The following TTC3 variants were observed in gnomAD, a reference collection of about 807,000 sequenced individuals.
TTC3 encodes the protein tetratricopeptide repeat domain 3, also known as E3 ubiquitin-protein ligase TTC3.
Under a neutral mutation model 249.6 loss-of-function variants are expected in TTC3, and 180 were observed. That is an observed-to-expected ratio of 0.72 (90% CI 0.64 to 0.82). TTC3 has a LOEUF of 0.82. Among genes scored for constraint, TTC3 ranks in the 40% least tolerant of loss-of-function variants. The pLI is 0.00. For missense variants in TTC3, 2,061 were observed against 2,398.4 expected, an observed-to-expected ratio of 0.86 and a Z score of 2.94; for synonymous variants, 717 against 805.0, an observed-to-expected ratio of 0.89 and a Z score of 1.85.
intron 42 of TTC3, among the ~76,000 whole-genome samples, chr21:37,197,242 G>A (rs949725802): frequency 5.9e-5 from 9 of 152,058 alleles, no homozygotes; most frequent in African/African-American, 1.9e-4. Context: ...TCAGGAGTTC[G>A]GGACCAGCCT....
chr21:37,087,014 A>G (rs532184907), intron 1 of TTC3: 1 of 500,196 alleles, frequency 2.0e-6, no homozygotes, highest in South Asian at 2.7e-5. Flanking sequence ...TAGAGTAGAG[A>G]TGGTGAATAT....
intron 11 of TTC3, among the ~76,000 whole-genome samples, chr21:37,118,487 A>G (rs774121561): frequency 3.9e-5 from 6 of 152,188 alleles, no homozygotes; most frequent in Non-Finnish European, 7.4e-5. Flanking sequence ...TTTGATCTAT[A>G]TCATATAGGA....
In TTC3 at chr21:37,197,553, C is replaced by T. The variant is rs2085051199; in HGVS notation, c.5580-17C>T. ...GAGAACTTTCTGTTGTCATTCATCACTCACTCTCCCTTTCAGCACTGAGCT... is the reference window on the plus strand; with the variant it reads ...GAGAACTTTCTGTTGTCATTCATCATTCACTCTCCCTTTCAGCACTGAGCT... On this transcript the variant is annotated splice_polypyrimidine_tract_variant and intron_variant, in intron 42 of 45. Coordinates refer to ENST00000355666, the Ensembl canonical transcript of TTC3. 3 of 1,611,606 alleles carry T rather than the reference C, an allele frequency of 1.9e-6. No homozygotes were observed. Among genetic ancestry groups the T allele is most frequent in the African/African-American group, 2.7e-5 (2 of 74,794 alleles).
At chr21:37,129,546 T>G (rs927147164) in intron 16 of TTC3, among the ~76,000 whole-genome samples, 1 of 152,194 alleles carries the variant, frequency 6.6e-6, no homozygotes, top group Non-Finnish European at 1.5e-5. Context: ...TAGAGGAAAA[T>G]CTTTCCTAAT....
rs763813021 is a variant in TTC3 at position 37,087,397 on chromosome 21, G to A, written c.140G>A (p.Gly47Glu). 26 of 1,613,628 alleles carry A rather than the reference G, an allele frequency of 1.6e-5. No individual in the cohort carries two copies. In the South Asian group the frequency reaches 2.7e-4, roughly 17 times the overall value. The change falls in exon 2 of 46, where the codon GGG (glycine) becomes GAG (glutamate). Residue 47 changes from glycine to glutamate, a missense_variant. Gly to Glu is a moderately conservative substitution (Grantham distance 98). Around this residue, in one of 3 missense-constraint regions of TTC3, gnomAD observed 989 missense variants for 1,145.1 expected, o/e 0.86. Coordinates refer to ENST00000355666, the Ensembl canonical transcript of TTC3. The stretch of plus-strand genomic sequence containing the variant: ...CGTGTGACTCAGCTTTACTGTGATG[G>A]GGTGGTAAGTAGGTTTGCTAATTTT...
At chr21:37,158,953 A>AC (rs11418603) in intron 28 of TTC3, among the ~76,000 whole-genome samples, 152,310 of 152,310 alleles carry the variant, frequency 1, 76,155 homozygotes, top group Non-Finnish European at 1. Flanking sequence ...AGAATCTCCC[A>AC]TTTTCCGTCT....
intron 41 of TTC3, among the ~76,000 whole-genome samples, chr21:37,192,418 A>C (rs911895704): frequency 6.6e-6 from 1 of 151,640 alleles, no homozygotes; most frequent in African/African-American, 2.4e-5. Flanking sequence ...CATCTGTATG[A>C]GGGATGGACT....
At chr21:37,169,686 A>AC (rs1272419406) in intron 34 of TTC3, among the ~76,000 whole-genome samples, 36 of 144,156 alleles carry the variant, frequency 2.5e-4, no homozygotes, top group Non-Finnish European at 4.4e-4. Flanking sequence ...ATCTCTACTA[A>AC]AATTAAAAAA....
At chr21:37,088,423 T>C in intron 4 of TTC3, 77 bp downstream of exon 4, 1 of 1,515,464 alleles carries the variant, frequency 6.6e-7, no homozygotes, top group Non-Finnish European at 8.9e-7. Context: ...GCAAGTTCAA[T>C]GGAAGGCTTA....
intron 45 of TTC3, 56 bp downstream of exon 45, chr21:37,200,380 CA>C: frequency 6.5e-7 from 1 of 1,533,444 alleles, no homozygotes; most frequent in Non-Finnish European, 8.9e-7. Flanking sequence ...CAAATATTTT[CA>C]AAATAAGAAA....
chr21:37,184,235 A>T (rs1001352544), intron 36 of TTC3, among the ~76,000 whole-genome samples: 5 of 152,220 alleles, frequency 3.3e-5, no homozygotes, highest in African/African-American at 1.2e-4. Context: ...GGAAATATTT[A>T]TATTTAACAT....
chr21:37,133,696 G>A (rs1249332732), intron 17 of TTC3, among the ~76,000 whole-genome samples: 1 of 152,082 alleles, frequency 6.6e-6, no homozygotes, highest in South Asian at 2.1e-4. Context: ...CATTTATGTC[G>A]TATTGAGGGA....
intron 1 of TTC3, among the ~76,000 whole-genome samples, chr21:37,073,882 CAATT>C (rs2070409798): frequency 6.6e-6 from 1 of 152,214 alleles, no homozygotes; most frequent in African/African-American, 2.4e-5. Context: ...GCGCCTTCTG[CAATT>C]GCGACCCCCG....
chr21:37,141,506 AC>A (rs2078461253), intron 20 of TTC3, among the ~76,000 whole-genome samples: 1 of 151,822 alleles, frequency 6.6e-6, no homozygotes, highest in Non-Finnish European at 1.5e-5. Context: ...ACAGTGGCGC[AC>A]ACCTGGAATC....
intron 44 of TTC3, 94 bp downstream of exon 44, chr21:37,198,119 A>G: frequency 7.2e-7 from 1 of 1,379,884 alleles, no homozygotes; most frequent in Non-Finnish European, 9.6e-7. Flanking sequence ...TTCTAGACCT[A>G]ATTTATTTGA....
At chr21:37,124,675 T>G (rs2076916922) in exon 14 of TTC3, 1 of 1,613,518 alleles carries the variant, frequency 6.2e-7, no homozygotes, top group Non-Finnish European at 8.5e-7. Flanking sequence ...CTTAACTTTG[T>G]GGAGAAGGAA....
chr21:37,200,815 G>T (rs2085417935), intron 45 of TTC3, among the ~76,000 whole-genome samples: 1 of 152,192 alleles, frequency 6.6e-6, no homozygotes, highest in Non-Finnish European at 1.5e-5. Flanking sequence ...GAGCATTTGT[G>T]TGCACCCCTG....
At chr21:37,132,578 G>A (rs750529109) in intron 16 of TTC3, 104 bp from the exon 17 acceptor site, 99 of 728,796 alleles carry the variant, frequency 1.4e-4, no homozygotes, top group Non-Finnish European at 2.0e-4. Flanking sequence ...CTCCCAAAGT[G>A]CTGGGATTAC....
intron 35 of TTC3, among the ~76,000 whole-genome samples, chr21:37,175,443 A>G (rs1469416748): frequency 1.3e-5 from 2 of 151,152 alleles, no homozygotes; most frequent in African/African-American, 4.9e-5. Flanking sequence ...CCAAAATTAC[A>G]AAAATTAGCC....
Sources: gnomAD v4.1 joint callset for allele counts (sites outside exome capture counted in the v4.1 genomes callset) on GRCh38, gnomAD v4.1.1 for gene constraint, gnomAD v4.1.1 regional missense constraint, MANE v1.5 for transcripts, NCBI Gene and HGNC (gene_info 2026-07-23, HGNC 2026-07-21) for gene names.